The following POLR2B variants were observed in gnomAD, a reference collection of about 807,000 sequenced individuals.
POLR2B encodes the protein DNA-directed RNA polymerase II subunit RPB2.
Under a neutral mutation model 144.6 loss-of-function variants are expected in POLR2B, and 57 were observed. The ratio of observed to expected loss-of-function variants is 0.39; its 90% CI spans 0.32 to 0.49. POLR2B has a LOEUF of 0.49. Ranked by LOEUF, POLR2B falls within the 20% of genes least tolerant of loss-of-function variation. The probability of loss-of-function intolerance (pLI) is 0.83; values close to 1 mark genes in which losing one functional copy is unlikely to be tolerated. For missense variants in POLR2B, 595 were observed against 1,467.4 expected, an observed-to-expected ratio of 0.41 and a Z score of 9.71; for synonymous variants, 442 against 469.8, an observed-to-expected ratio of 0.94 and a Z score of 0.77.
chr4:57,014,154 C>T (rs867279725), intron 13 of POLR2B, among the ~76,000 whole-genome samples: 7 of 152,136 alleles, frequency 4.6e-5, no homozygotes, highest in Admixed American at 2.6e-4. Context: ...ACATTTTTCT[C>T]TTTCTTGTCT....
chr4:57,012,317 A>G (rs1321746277), intron 13 of POLR2B, among the ~76,000 whole-genome samples: 1 of 152,130 alleles, frequency 6.6e-6, no homozygotes, highest in Non-Finnish European at 1.5e-5. Context: ...AGGCATGAGA[A>G]TTGCTTAAAT....
chr4:56,980,183 C>T (rs1448099805), intron 1 of POLR2B, among the ~76,000 whole-genome samples: 3 of 151,628 alleles, frequency 2.0e-5, no homozygotes, highest in African/African-American at 7.3e-5. Flanking sequence ...GTCTCGGCCT[C>T]CCAAAGTGCT....
chr4:57,001,790 T>C lies in POLR2B; in HGVS notation c.900+2009T>C, dbSNP rs546459814. Among the ~76,000 whole-genome samples the C allele has an allele frequency of 2.0e-5, 3 of 152,206 alleles. No homozygotes were observed. In the South Asian group the frequency reaches 6.2e-4, roughly 31 times the overall value. ...TTGAGGTTAAATGTCCAGTTCCTTA[T>C]AAATTTTTTCCATTGATGCTCCTTA... On this transcript the variant is annotated intron_variant, in intron 7 of 24. Coordinates refer to ENST00000314595, the MANE Select transcript of POLR2B (RefSeq NM_000938.3).
chr4:56,996,429 C>T (rs1206272827), intron 6 of POLR2B, among the ~76,000 whole-genome samples: 4 of 150,242 alleles, frequency 2.7e-5, no homozygotes, highest in African/African-American at 4.9e-5. Context: ...TACAGGCGCC[C>T]GCCACCGCGC....
Position 57,023,929 on chromosome 4 carries a change from C to A in POLR2B, c.2857-76C>A. The A allele has an allele frequency of 2.3e-6, 2 of 864,478 alleles. No homozygotes were observed. The highest frequency in any genetic ancestry group is 3.7e-6 in the Non-Finnish European group (2 of 544,886). The allele number at this position is 864,478 out of a possible 1,614,324, so 53.6% of individuals were successfully genotyped here. Reference sequence around the variant, plus strand: ...ACAGAATTTGGGACATACAGTAATTCAGTTGGGAGAACTGAAATGTCAGTT... The same window carrying A: ...ACAGAATTTGGGACATACAGTAATTAAGTTGGGAGAACTGAAATGTCAGTT... On this transcript the variant is annotated intron_variant, in intron 20 of 24. Transcript: ENST00000314595. The surrounding 1 kb of genome is among the most constrained non-coding windows in gnomAD (Gnocchi z 4.3).
intron 13 of POLR2B, among the ~76,000 whole-genome samples, chr4:57,013,860 A>G (rs1049158993): frequency 2.3e-4 from 35 of 151,944 alleles, no homozygotes; most frequent in African/African-American, 8.2e-4. Flanking sequence ...GTAATGGCAT[A>G]ACTTGGGCTG....
chr4:57,023,813 A>T lies in POLR2B; in HGVS notation c.2856+62A>T, dbSNP rs1342171136. 8.3e-6 allele frequency: 10 copies of T among 1,198,882 alleles called. No homozygotes were observed. In the Admixed American group the frequency reaches 2.2e-4, roughly 27 times the overall value. The allele number at this position is 1,198,882 out of a possible 1,614,324, so 74.3% of individuals were successfully genotyped here. On this transcript the variant is annotated intron_variant, in intron 20 of 24. Transcript: ENST00000314595. This position sits in a 1 kb window ranked among gnomAD's most constrained non-coding sequence, Gnocchi z 4.3. ...TTTGTTAAATATTTTTTTTTTAATC[A>T]AAATTTGCTTTAACTTAAGAGCTCA...
intron 21 of POLR2B, among the ~76,000 whole-genome samples, 178 bp from the exon 22 acceptor site, chr4:57,024,708 T>A (rs1723660054): frequency 1.3e-5 from 2 of 152,182 alleles, no homozygotes; most frequent in Non-Finnish European, 2.9e-5. Flanking sequence ...ACCTTATATA[T>A]CACAGCTTTC....
intron 16 of POLR2B, 136 bp from the exon 17 acceptor site, chr4:57,020,763 G>A (rs1289150683): frequency 2.9e-6 from 2 of 698,798 alleles, no homozygotes; most frequent in African/African-American, 3.6e-5. Context: ...AGGAGGAATA[G>A]ACTTTGGCAG....
At chr4:57,030,146 C>CGAAT in intron 23 of POLR2B, 58 bp from the exon 24 acceptor site, 1 of 1,346,880 alleles carries the variant, frequency 7.4e-7, no homozygotes, top group Non-Finnish European at 1.1e-6. Context: ...TGCCATTATT[C>CGAAT]AAGGCGGTGT....
At chr4:57,019,989 G>T (rs796572075) in intron 16 of POLR2B, among the ~76,000 whole-genome samples, 16 of 152,152 alleles carry the variant, frequency 1.1e-4, no homozygotes, top group African/African-American at 3.6e-4. Flanking sequence ...ATTTAGGTTT[G>T]ACTATTGTTT....
At chr4:57,006,432 G>A (rs1242696911) in intron 9 of POLR2B, among the ~76,000 whole-genome samples, 1 of 152,168 alleles carries the variant, frequency 6.6e-6, no homozygotes, top group Non-Finnish European at 1.5e-5. Flanking sequence ...AGCCTCCCAA[G>A]TAGCTGGGAC....
chr4:56,995,500 TC>T (rs1722651325), intron 6 of POLR2B, 91 bp downstream of exon 6: 1 of 867,706 alleles, frequency 1.2e-6, no homozygotes, highest in African/African-American at 1.7e-5. Context: ...TAGAAGCTTT[TC>T]TGGAGCATAT....
At chr4:57,016,162 G>A (rs569650837) in intron 14 of POLR2B, among the ~76,000 whole-genome samples, 7 of 152,202 alleles carry the variant, frequency 4.6e-5, no homozygotes, top group African/African-American at 1.2e-4. Flanking sequence ...TCATTGCCCC[G>A]AAAAAACTCT....
intron 1 of POLR2B, among the ~76,000 whole-genome samples, chr4:56,979,453 G>A (rs140430601): frequency 3.2e-3 from 442 of 138,102 alleles, no homozygotes; most frequent in Admixed American, 5.4e-3. Context: ...GGGGGTGGGG[G>A]TGGCGGGGGG....
At chr4:57,006,691 A>G (rs185239037) in intron 9 of POLR2B, 125 bp from the exon 10 acceptor site, 544 of 694,262 alleles carry the variant, frequency 7.8e-4, no homozygotes, top group Non-Finnish European at 1.2e-3. Context: ...AAAGAGCAAC[A>G]ACTTTCACTC....
At chr4:57,013,221 C>G (rs111457168) in intron 13 of POLR2B, among the ~76,000 whole-genome samples, 4,506 of 151,714 alleles carry the variant, frequency 0.03, 321 homozygotes, top group East Asian at 0.25. Context: ...AAGCCATCTG[C>G]CTGCCTTGGC....
chr4:57,021,094 C>G (rs1258636324), intron 17 of POLR2B, 99 bp downstream of exon 17: 5 of 716,062 alleles, frequency 7.0e-6, no homozygotes, highest in Non-Finnish European at 1.3e-5. Flanking sequence ...ACGCCGCACT[C>G]CAGAAAGTGG....
At chr4:56,994,622 CTG>C (rs746229704) in intron 4 of POLR2B, 23 bp from the exon 5 acceptor site, 24 of 1,526,090 alleles carry the variant, frequency 1.6e-5, no homozygotes, top group Non-Finnish European at 2.0e-5. Flanking sequence ...TATTGCTTAA[CTG>C]TGATCTACTT....
Sources: allele counts gnomAD v4.1 joint callset (sites outside exome capture counted in the v4.1 genomes callset), GRCh38; gene constraint gnomAD v4.1.1; non-coding constraint Gnocchi (gnomAD v3.1); transcripts MANE v1.5; gene names NCBI Gene and HGNC (gene_info 2026-07-23, HGNC 2026-07-21).